The following EXOC6 variants were observed in gnomAD, a reference collection of about 807,000 sequenced individuals.
EXOC6 encodes the protein exocyst complex component 6, also known as SEC15-like 1.
In EXOC6, 60 loss-of-function variants were observed where a neutral mutation model predicts 112.5. The ratio of observed to expected loss-of-function variants is 0.53; its 90% CI spans 0.43 to 0.66. The LOEUF (loss-of-function observed/expected upper bound fraction) is 0.66. Ranked by LOEUF, EXOC6 falls within the 30% of genes least tolerant of loss-of-function variation. The pLI is 0.00. For synonymous variants in EXOC6, 295 were observed against 308.0 expected (o/e 0.96, Z 0.44); for missense variants, 855 against 957.1 (o/e 0.89, Z 1.41).
intron 20 of EXOC6, among the ~76,000 whole-genome samples, chr10:93,033,704 T>G (rs1034819264): frequency 5.3e-5 from 8 of 151,968 alleles, no homozygotes; most frequent in South Asian, 4.1e-4. Context: ...AAGCATTAGG[T>G]GTGGGTAGAT....
At chr10:93,035,963 G>T (rs2134309852) in intron 20 of EXOC6, among the ~76,000 whole-genome samples, 1 of 152,328 alleles carries the variant, frequency 6.6e-6, no homozygotes, top group South Asian at 2.1e-4. Flanking sequence ...GCTCACACCT[G>T]TAATCCCAGC....
chr10:92,845,243 T>C (rs958961354), upstream of EXOC6, among the ~76,000 whole-genome samples: 3 of 152,170 alleles, frequency 2.0e-5, no homozygotes, highest in African/African-American at 7.2e-5. Context: ...ACCTTCTCAG[T>C]GCAGACGTTA....
intron 21 of EXOC6, 32 bp from the exon 22 acceptor site, chr10:93,058,191 T>C (rs1341570225): frequency 1.3e-6 from 2 of 1,582,188 alleles, no homozygotes; most frequent in Non-Finnish European, 1.7e-6. Flanking sequence ...AATTTTCTTT[T>C]ACCAAGCTTC....
chr10:92,954,507 T>G, intron 15 of EXOC6, 123 bp from the exon 16 acceptor site: 1 of 502,100 alleles, frequency 2.0e-6, no homozygotes, highest in South Asian at 3.8e-5. Context: ...CTTTGTAGTT[T>G]ATTTAAAGAT....
rs1011102957 is a variant in EXOC6 at position 92,977,694 on chromosome 10, TACAC to T, written c.1953+3471_1953+3474del. On this transcript the variant is annotated intron_variant, in intron 18 of 21. Transcript: ENST00000260762. ...GCTTGCAGACACACACACACACACA[TACAC>T]ACACACACGTTTTATGTTTTAATAT... Among the ~76,000 whole-genome samples the T allele has an allele frequency of 4.0e-3, 596 of 150,406 alleles. 7 individuals are homozygous for T. Among genetic ancestry groups the T allele is most frequent in the African/African-American group, 0.014 (563 of 40,556 alleles).
Position 92,915,753 on chromosome 10 carries a change from A to C in EXOC6, c.664-5A>C, listed in dbSNP as rs141215729. ...ATAATCTGAATTTCTCTCTCTTCAA[A>C]ATAGGCACAGCATCAGAAAACCTTC... is the stretch of plus-strand genomic sequence containing the variant. On this transcript the variant is annotated splice_region_variant and splice_polypyrimidine_tract_variant and intron_variant, in intron 6 of 21. Coordinates refer to ENST00000260762, the MANE Select transcript of EXOC6 (RefSeq NM_019053.6). 5.9e-4 allele frequency: 889 copies of C among 1,513,188 alleles called. 4 individuals carry two copies. In the African/African-American group the frequency reaches 0.012, roughly 20 times the overall value. 93.7% of individuals were successfully genotyped at this position (1,513,188 alleles called of 1,614,324 possible).
chr10:92,977,676 G>GAC (rs10636165), intron 18 of EXOC6, among the ~76,000 whole-genome samples: 5,156 of 150,642 alleles, frequency 0.034, 145 homozygotes, highest in South Asian at 0.12. Context: ...CGTGCTTGCA[G>GAC]ACACACACAC....
intron 17 of EXOC6, 136 bp from the exon 18 acceptor site, chr10:92,973,917 C>A (rs552796668): frequency 4.3e-4 from 283 of 662,382 alleles, no homozygotes; most frequent in Non-Finnish European, 5.5e-4. Flanking sequence ...AAAAAAAAAA[C>A]CAACAGTTTT....
Position 92,950,446 on chromosome 10 carries a change from T to G in EXOC6, c.1417-1827T>G, listed in dbSNP as rs74149179. On this transcript the variant is annotated intron_variant, in intron 14 of 21. Transcript: ENST00000260762. Reference sequence around the variant, plus strand: ...TGCCTTTAATATCATTAAAATAATTTCAAATATTTTTCATATACCTACTAT... The same window carrying G: ...TGCCTTTAATATCATTAAAATAATTGCAAATATTTTTCATATACCTACTAT... Among the ~76,000 whole-genome samples the G allele has an allele frequency of 7.8e-4, 119 of 152,302 alleles. 1 individual carries two copies. The highest frequency in any genetic ancestry group is 3.4e-3 in the Middle Eastern group (1 of 294).
intron 14 of EXOC6, among the ~76,000 whole-genome samples, chr10:92,949,462 T>C (rs978486263): frequency 3.3e-5 from 5 of 152,042 alleles, no homozygotes; most frequent in African/African-American, 1.2e-4. Context: ...TCAAGAAATA[T>C]CACCAGAATA....
At position 92,919,962 on chromosome 10, in the gene EXOC6, A is replaced by T. The variant is rs751613711; in HGVS notation, c.820-20A>T. The T allele has an allele frequency of 3.0e-5, 46 of 1,542,710 alleles. No individual in the cohort carries two copies. The highest frequency in any genetic ancestry group is 1.9e-4 in the Admixed American group (10 of 52,522). On this transcript the variant is annotated intron_variant, in intron 7 of 21. Coordinates refer to ENST00000260762, the MANE Select transcript of EXOC6 (RefSeq NM_019053.6). The stretch of plus-strand genomic sequence containing the variant: ...TAATAGTTTGACCTATAATTTTTTT[A>T]AAAATGGTTTAATTTTCAGATCTTA...
chr10:92,969,133 G>A (rs1463708793), intron 17 of EXOC6, among the ~76,000 whole-genome samples: 1 of 152,070 alleles, frequency 6.6e-6, no homozygotes, highest in African/African-American at 2.4e-5. Flanking sequence ...GGACATAAAA[G>A]GCAATGTGTT....
chr10:93,055,056 G>A (rs944563166), intron 20 of EXOC6, among the ~76,000 whole-genome samples: 1 of 152,018 alleles, frequency 6.6e-6, no homozygotes, highest in Non-Finnish European at 1.5e-5. Context: ...TGCCCAGGGT[G>A]GACTCTTAAC....
intron 14 of EXOC6, among the ~76,000 whole-genome samples, chr10:92,951,675 TGAGA>T (rs1388774197): frequency 6.6e-6 from 1 of 152,128 alleles, no homozygotes; most frequent in Non-Finnish European, 1.5e-5. Flanking sequence ...TTTTAGAGAC[TGAGA>T]ATTTCAAATG....
At chr10:92,869,901 A>C (rs1365107494) in intron 1 of EXOC6, among the ~76,000 whole-genome samples, 1 of 149,808 alleles carries the variant, frequency 6.7e-6, no homozygotes, top group Non-Finnish European at 1.5e-5. Context: ...TGACTTTAGC[A>C]GGGGAAACCT....
rs566986092 is a variant in EXOC6, at chr10:92,912,606, C to T, written c.663+2975C>T. On this transcript the variant is annotated intron_variant, in intron 6 of 21. Transcript: ENST00000260762. ...TATACAGAGATAAAAATTTACAATA[C>T]AGTGTGTGCATCAGTAATTTGTAAC... 2.0e-5 allele frequency among the ~76,000 whole-genome samples: 3 copies of T among 152,278 alleles called. No individual in the cohort carries two copies. In the South Asian group the frequency reaches 6.2e-4, roughly 32 times the overall value.
intron 1 of EXOC6, among the ~76,000 whole-genome samples, chr10:92,864,610 G>A (rs1158937064): frequency 1.3e-5 from 2 of 152,080 alleles, no homozygotes; most frequent in African/African-American, 4.8e-5. Context: ...AGTAAAGAAG[G>A]TCTGCCATCG....
intron 12 of EXOC6, among the ~76,000 whole-genome samples, chr10:92,936,714 C>T (rs1003864008): frequency 6.6e-6 from 1 of 152,158 alleles, no homozygotes; most frequent in Non-Finnish European, 1.5e-5. Context: ...ACACCTGCTG[C>T]GTTATTGGGA....
intron 17 of EXOC6, among the ~76,000 whole-genome samples, chr10:92,965,092 A>G (rs1331975911): frequency 6.6e-6 from 1 of 152,232 alleles, no homozygotes; most frequent in South Asian, 2.1e-4. Flanking sequence ...CAAATGAGAT[A>G]GCTGTGAATG....
Sources: allele counts gnomAD v4.1 joint callset (sites outside exome capture counted in the v4.1 genomes callset), GRCh38; gene constraint gnomAD v4.1.1; transcripts MANE v1.5; gene names NCBI Gene and HGNC (gene_info 2026-07-23, HGNC 2026-07-21).